Variants in TTC3 observed in about 807,000 individuals in gnomAD.
TTC3 encodes the protein E3 ubiquitin-protein ligase TTC3.
A neutral mutation model predicts 249.6 loss-of-function variants in TTC3; 180 were observed. The observed-to-expected ratio is 0.72, with a 90% CI of 0.64 to 0.82. The LOEUF (loss-of-function observed/expected upper bound fraction) is 0.82. Among genes scored for constraint, TTC3 ranks in the 40% least tolerant of loss-of-function variants. The pLI, the probability that TTC3 is intolerant of heterozygous loss-of-function variation, is 0.00. For missense variants in TTC3, 2,061 were observed against 2,398.4 expected (o/e 0.86, Z 2.94); for synonymous variants, 717 against 805.0 (o/e 0.89, Z 1.85).
intron 13 of TTC3, among the ~76,000 whole-genome samples, chr21:37,123,446 T>G (rs1485211069): frequency 6.6e-6 from 1 of 152,206 alleles, no homozygotes; most frequent in Non-Finnish European, 1.5e-5. Context: ...ATTTCCAGCT[T>G]CCTGATGTCT....
chr21:37,126,968 C>T (rs1385623223), intron 15 of TTC3, among the ~76,000 whole-genome samples: 1 of 152,010 alleles, frequency 6.6e-6, no homozygotes, highest in Non-Finnish European at 1.5e-5. Context: ...AATTCTCCTG[C>T]CTCAGCCTCC....
At chr21:37,165,597 A>G in exon 33 of TTC3, 1 of 1,612,940 alleles carries the variant, frequency 6.2e-7, no homozygotes, top group Non-Finnish European at 8.5e-7. Context: ...GACATGAGTA[A>G]CAAGATGTTC....
intron 1 of TTC3, among the ~76,000 whole-genome samples, chr21:37,080,079 T>C (rs2187101): frequency 0.46 from 69,135 of 151,844 alleles, 16,267 homozygotes; most frequent in Non-Finnish European, 0.52. Context: ...TACTATTTTT[T>C]TCACTTAAAT....
intron 30 of TTC3, 78 bp downstream of exon 30, chr21:37,160,936 A>G: frequency 7.3e-7 from 1 of 1,372,002 alleles, no homozygotes; most frequent in East Asian, 2.4e-5. Context: ...AGAATTGAGC[A>G]ATTCTTGGGA....
At chr21:37,158,015 C>A in intron 28 of TTC3, 2 of 503,182 alleles carry the variant, frequency 4.0e-6, no homozygotes, top group Non-Finnish European at 5.1e-6. Flanking sequence ...TGGCCTTGTA[C>A]GATGGTGTCA....
chr21:37,095,771 A>G (rs2073877980), intron 9 of TTC3, among the ~76,000 whole-genome samples: 1 of 152,218 alleles, frequency 6.6e-6, no homozygotes. Context: ...GTCAAAAAGG[A>G]TTAAAGGATT....
At position 37,148,649 on chromosome 21, in the gene TTC3, T is replaced by TAA; in HGVS notation, c.2118+4_2118+5dup. On this transcript the variant is annotated splice_region_variant and intron_variant, in intron 23 of 45. Transcript: ENST00000355666. ...ACCTTTAATGATAAAATTGACAAGG[T>TAA]AAAGCATAACAGGATTGTCTGAATT... The TAA allele has an allele frequency of 6.4e-7, 1 of 1,565,818 alleles. No homozygotes were observed. The highest frequency in any genetic ancestry group is 8.6e-7 in the Non-Finnish European group (1 of 1,156,706).
At chr21:37,174,906 A>C (rs1018695781) in intron 35 of TTC3, among the ~76,000 whole-genome samples, 8 of 152,112 alleles carry the variant, frequency 5.3e-5, no homozygotes, top group African/African-American at 1.9e-4. Context: ...GTCCCACCCA[A>C]AATTCTGCTT....
At chr21:37,099,299 A>G (rs1765366888) in intron 10 of TTC3, among the ~76,000 whole-genome samples, 1 of 152,234 alleles carries the variant, frequency 6.6e-6, no homozygotes, top group Non-Finnish European at 1.5e-5. Flanking sequence ...TTTAATGTGT[A>G]TTAACTCGTA....
At chr21:37,095,540 G>GT (rs2073851951) in intron 9 of TTC3, 96 bp downstream of exon 9, 1 of 825,618 alleles carries the variant, frequency 1.2e-6, no homozygotes, top group East Asian at 2.7e-5. Flanking sequence ...GAATTGGAGA[G>GT]TATCTTCCAA....
chr21:37,109,559 C>T (rs1349300332), intron 11 of TTC3, among the ~76,000 whole-genome samples: 2 of 152,238 alleles, frequency 1.3e-5, no homozygotes, highest in African/African-American at 2.4e-5. Context: ...AACAAAGCAG[C>T]CCAGAAGCTC....
intron 22 of TTC3, 114 bp downstream of exon 22, chr21:37,147,717 AC>A: frequency 2.5e-6 from 3 of 1,222,776 alleles, no homozygotes; most frequent in South Asian, 1.7e-5. Flanking sequence ...GCAGTCGTCC[AC>A]CCCTTTCCCA....
At chr21:37,165,412 A>G (rs1234682244) in intron 32 of TTC3, 138 bp from the exon 33 acceptor site, 1 of 638,364 alleles carries the variant, frequency 1.6e-6, no homozygotes, top group African/African-American at 1.8e-5. Flanking sequence ...TATGTTTGTT[A>G]TATTTGTTGT....
At chr21:37,165,771 A>G (rs1940146375) in exon 33 of TTC3, 2 of 1,613,746 alleles carry the variant, frequency 1.2e-6, no homozygotes, top group Admixed American at 1.7e-5. Flanking sequence ...AAGAAGAAAA[A>G]CATTAAAACA....
intron 22 of TTC3, among the ~76,000 whole-genome samples, chr21:37,148,108 C>G (rs2079141199): frequency 6.6e-6 from 1 of 152,174 alleles, no homozygotes; most frequent in African/African-American, 2.4e-5. Flanking sequence ...GGGTAGTGAC[C>G]TGAGAAGGCA....
At chr21:37,116,545 A>G (rs1484703951) in intron 11 of TTC3, among the ~76,000 whole-genome samples, 1 of 152,118 alleles carries the variant, frequency 6.6e-6, no homozygotes, top group Non-Finnish European at 1.5e-5. Flanking sequence ...ATGATGGCTC[A>G]CACCTGTAAT....
intron 16 of TTC3, among the ~76,000 whole-genome samples, chr21:37,131,515 G>T (rs2077468150): frequency 6.6e-6 from 1 of 152,146 alleles, no homozygotes; most frequent in East Asian, 1.9e-4. Flanking sequence ...CCTCTTGGCT[G>T]TTTTTGAGTT....
At chr21:37,172,363 AGATTGGAGAATTTATGAATTTCAAT>A (rs2081880224) in intron 34 of TTC3, among the ~76,000 whole-genome samples, 1 of 152,242 alleles carries the variant, frequency 6.6e-6, no homozygotes, top group African/African-American at 2.4e-5. Context: ...ATTATAGTAT[AGATTGGAGAATTTATGAATTTCAAT>A]AATATGAATG....
At chr21:37,166,677 T>G in intron 33 of TTC3, 62 bp downstream of exon 33, 1 of 1,495,336 alleles carries the variant, frequency 6.7e-7, no homozygotes, top group Non-Finnish European at 8.9e-7. Flanking sequence ...TCATTTTTCA[T>G]TGCCGTTATA....
Sources: allele counts gnomAD v4.1 joint callset (sites outside exome capture counted in the v4.1 genomes callset), GRCh38; gene constraint gnomAD v4.1.1; transcripts MANE v1.5; gene names NCBI Gene and HGNC (gene_info 2026-07-23, HGNC 2026-07-21).